Variants in NRG1 observed in about 807,000 individuals in gnomAD.
NRG1 encodes neuregulin 1.
A neutral mutation model predicts 63.8 loss-of-function variants in NRG1; 18 were observed. That is an observed-to-expected ratio of 0.28 (90% confidence interval 0.19 to 0.42). The LOEUF is 0.42. Among genes scored for constraint, NRG1 ranks in the 10% least tolerant of loss-of-function variants. The pLI is 1.00. For missense variants in NRG1, 762 were observed against 814.7 expected (o/e 0.94, Z 0.79); for synonymous variants, 302 against 301.3 (o/e 1.00, Z -0.02).
chr8:32,689,255 G>A (rs184488676), intron 5 of NRG1, among the ~76,000 whole-genome samples: 1 of 150,962 alleles, frequency 6.6e-6, no homozygotes, highest in East Asian at 1.9e-4. Context: ...GTGTTCAGCA[G>A]TTTGTAGATA....
chr8:31,975,202 C>T (rs1433139469), intron 1 of NRG1, among the ~76,000 whole-genome samples: 1 of 152,116 alleles, frequency 6.6e-6, no homozygotes, highest in African/African-American at 2.4e-5. Flanking sequence ...ATATCATCCC[C>T]ACTTCAGAAA....
intron 1 of NRG1, among the ~76,000 whole-genome samples, chr8:32,066,600 A>G (rs1207975379): frequency 6.6e-6 from 1 of 152,086 alleles, no homozygotes; most frequent in African/African-American, 2.4e-5. Flanking sequence ...GCCTTGTAGT[A>G]TAGTTTGAAG....
At chr8:32,651,254 A>C (rs907797269) in intron 5 of NRG1, among the ~76,000 whole-genome samples, 1 of 152,178 alleles carries the variant, frequency 6.6e-6, no homozygotes, top group African/African-American at 2.4e-5. Flanking sequence ...GCATTCATGT[A>C]GGTCTTAAGA....
intron 5 of NRG1, chr8:32,647,489 C>G: frequency 1.0e-6 from 1 of 985,276 alleles, no homozygotes. Flanking sequence ...GAAAAGTGGC[C>G]CAGAAACAGC....
chr8:32,257,066 G>T (rs1196785845), intron 1 of NRG1, among the ~76,000 whole-genome samples: 1 of 152,132 alleles, frequency 6.6e-6, no homozygotes, highest in Non-Finnish European at 1.5e-5. Context: ...CGAACTTCTT[G>T]GTGCTTTATT....
At chr8:32,714,815 C>T (rs570897467) in intron 5 of NRG1, among the ~76,000 whole-genome samples, 1 of 152,318 alleles carries the variant, frequency 6.6e-6, no homozygotes, top group East Asian at 1.9e-4. Flanking sequence ...CATACACACA[C>T]AAGCTCAAGC....
At chr8:31,898,373 G>A (rs776378) in intron 1 of NRG1, among the ~76,000 whole-genome samples, 103,028 of 152,084 alleles carry the variant, frequency 0.68, 35,264 homozygotes, top group East Asian at 0.92. Flanking sequence ...GTAATTCTCA[G>A]AGTAATTCCC....
chr8:32,078,292 G>A (rs1826916655), intron 1 of NRG1, among the ~76,000 whole-genome samples: 1 of 152,140 alleles, frequency 6.6e-6, no homozygotes, highest in South Asian at 2.1e-4. Flanking sequence ...CCTCTCTCCT[G>A]CCTGTGCTCT....
chr8:31,655,765 G>A (rs545629272), intron 1 of NRG1, among the ~76,000 whole-genome samples: 1 of 152,324 alleles, frequency 6.6e-6, no homozygotes, highest in South Asian at 2.1e-4. Context: ...GACTGGATGT[G>A]TGCCTGGACT....
chr8:32,637,073 A>G (rs1013125280), intron 5 of NRG1, among the ~76,000 whole-genome samples: 2 of 152,168 alleles, frequency 1.3e-5, no homozygotes, highest in African/African-American at 4.8e-5. Flanking sequence ...AACACCATGA[A>G]AAATTTTTTA....
At chr8:31,805,420 TA>T (rs1261772589) in intron 1 of NRG1, among the ~76,000 whole-genome samples, 1 of 152,040 alleles carries the variant, frequency 6.6e-6, no homozygotes, top group East Asian at 1.9e-4. Flanking sequence ...CTCATGAAAA[TA>T]GAGTAGATAA....
At chr8:31,669,908 G>T (rs1179221422) in intron 1 of NRG1, among the ~76,000 whole-genome samples, 1 of 152,144 alleles carries the variant, frequency 6.6e-6, no homozygotes, top group Non-Finnish European at 1.5e-5. Flanking sequence ...TCCACTTGTG[G>T]TGTCATGTTG....
chr8:32,368,076 T>C (rs575538183), intron 1 of NRG1, among the ~76,000 whole-genome samples: 1 of 152,344 alleles, frequency 6.6e-6, no homozygotes, highest in East Asian at 1.9e-4. Flanking sequence ...TAGTATAGCT[T>C]TGTAGTATAT....
intron 1 of NRG1, among the ~76,000 whole-genome samples, chr8:32,420,517 C>T (rs1157679853): frequency 6.6e-6 from 1 of 150,618 alleles, no homozygotes; most frequent in African/African-American, 2.4e-5. Context: ...GGGTGACCAC[C>T]CTCATCTCTC....
intron 3 of NRG1, among the ~76,000 whole-genome samples, chr8:32,608,711 C>CT (rs1347645597): frequency 6.6e-6 from 1 of 152,006 alleles, no homozygotes; most frequent in Non-Finnish European, 1.5e-5. Flanking sequence ...TGTGGCTTTT[C>CT]TCTCTGGTGT....
At position 32,722,131 on chromosome 8, in the gene NRG1, C is replaced by G. The variant is rs563079744; in HGVS notation, c.503-5818C>G. 34 of 1,102,880 alleles carry G rather than the reference C, an allele frequency of 3.1e-5. 2 individuals carry two copies. The South Asian group carries it at 4.9e-4, about 16-fold the overall frequency. The allele number at this position is 1,102,880 out of a possible 1,614,324, so 68.3% of individuals were successfully genotyped here. A position where few individuals can be genotyped will look rare whatever the true frequency, so the allele number is the denominator to read the frequency against. On this transcript the variant is annotated intron_variant, in intron 5 of 11. Coordinates refer to ENST00000356819, the Ensembl canonical transcript of NRG1. ...TGTGCATATTTTATTAAGCAAATGG[C>G]GTAGAGTTATTTGGTTTAATTTTCT...
chr8:32,554,484 C>G (rs1235449116), intron 1 of NRG1, among the ~76,000 whole-genome samples: 1 of 152,186 alleles, frequency 6.6e-6, no homozygotes, highest in African/African-American at 2.4e-5. Context: ...TAATAATTCA[C>G]TGTATATAAC....
At chr8:32,411,364 T>G (rs1814920003) in intron 1 of NRG1, among the ~76,000 whole-genome samples, 1 of 152,164 alleles carries the variant, frequency 6.6e-6, no homozygotes, top group Admixed American at 6.5e-5. Context: ...AGTAAAACTT[T>G]ATAAAGTAGG....
chr8:32,531,611 G>C (rs1045114858), intron 1 of NRG1, among the ~76,000 whole-genome samples: 2 of 152,150 alleles, frequency 1.3e-5, no homozygotes, highest in African/African-American at 4.8e-5. Flanking sequence ...AAATGATACT[G>C]TGTGCTCAAA....
Sources: allele counts gnomAD v4.1 joint callset (sites outside exome capture counted in the v4.1 genomes callset), GRCh38; gene constraint gnomAD v4.1.1; transcripts MANE v1.5; gene names NCBI Gene and HGNC (gene_info 2026-07-23, HGNC 2026-07-21).